Variants in COL18A1 observed in about 807,000 individuals in gnomAD.
COL18A1 encodes the protein collagen type XVIII alpha 1 chain, also known as collagen alpha-1(XVIII) chain.
Under a neutral mutation model 168.0 loss-of-function variants are expected in COL18A1, and 133 were observed. That is an observed-to-expected ratio of 0.79 (90% confidence interval 0.69 to 0.91). COL18A1 has a LOEUF of 0.91. COL18A1 is among the 40% of genes least tolerant of loss of function. The probability of loss-of-function intolerance (pLI) is 0.00; values close to 1 mark genes in which losing one functional copy is unlikely to be tolerated. For synonymous variants in COL18A1, 949 were observed against 809.0 expected, an observed-to-expected ratio of 1.17 and a Z score of -2.94; for missense variants, 2,126 against 1,925.4, an observed-to-expected ratio of 1.10 and a Z score of -1.95.
chr21:45,419,654 CG>C (rs1183923167), intron 2 of COL18A1: 2 of 152,232 alleles, frequency 1.3e-5, no homozygotes, highest in African/African-American at 4.8e-5. Flanking sequence ...CTCAAAGCCA[CG>C]GATGGGCACC....
intron 37 of COL18A1, chr21:45,506,244 A>C: frequency 2.2e-6 from 1 of 465,116 alleles, no homozygotes. Context: ...TACAAAGATA[A>C]ATGTCACCTC....
intron 16 of COL18A1, 27 bp from the exon 17 acceptor site, chr21:45,487,420 C>T (rs553514020): frequency 2.5e-6 from 4 of 1,610,982 alleles, no homozygotes; most frequent in African/African-American, 1.3e-5. Flanking sequence ...GACACAGGCC[C>T]CTACGTGTCT....
intron 32 of COL18A1, among the ~76,000 whole-genome samples, chr21:45,503,742 T>A (rs1000260835): frequency 3.3e-5 from 5 of 151,920 alleles, no homozygotes; most frequent in East Asian, 3.9e-4. Flanking sequence ...CATATGTAAC[T>A]AACCTGCACA....
In COL18A1 at chr21:45,505,129, C is replaced by T. The variant is rs533456344; in HGVS notation, c.2869-5C>T. On this transcript the variant is annotated splice_region_variant and splice_polypyrimidine_tract_variant and intron_variant, in intron 34 of 41. Coordinates refer to ENST00000651438, the MANE Select transcript of COL18A1 (RefSeq NM_001379500.1). ...CCAGGAAGCGTCTCTTGTCGCCGTCCGTAGGGTCCCAAGGGAGAGAGCATC... is the reference window on the plus strand; with the variant it reads ...CCAGGAAGCGTCTCTTGTCGCCGTCTGTAGGGTCCCAAGGGAGAGAGCATC... 30 of 1,608,302 alleles carry T rather than the reference C, an allele frequency of 1.9e-5. No homozygotes were observed. Among genetic ancestry groups the T allele is most frequent in the African/African-American group, 6.7e-5 (5 of 74,876 alleles).
At position 45,493,518 on chromosome 21, in the gene COL18A1, G is replaced by A. The variant is rs569773170; in HGVS notation, c.2295G>A (p.Pro765=). 60 of 1,561,760 alleles carry A rather than the reference G, an allele frequency of 3.8e-5. No individual in the cohort carries two copies. In the South Asian group the frequency reaches 6.3e-4, roughly 16 times the overall value. Residue 765 remains proline (P), a synonymous_variant, in exon 26 of 42, where the codon CCG becomes CCA. Coordinates refer to ENST00000651438, the MANE Select transcript of COL18A1 (RefSeq NM_001379500.1). The stretch of plus-strand genomic sequence containing the variant: ...CATTCCAGGGTGAGAAGGGTGAACC[G>A]GGCAGCATCTTCAGCCCCGACGGCG... ...SPGPKGEKGE[P]GSIFSPDGGA...
intron 12 of COL18A1, 70 bp downstream of exon 12, chr21:45,480,590 G>T: frequency 6.2e-7 from 1 of 1,613,728 alleles, no homozygotes. Flanking sequence ...GGACCCCCAA[G>T]ATTCAGCTGG....
At position 45,405,331 on chromosome 21, in the gene COL18A1, G is replaced by GCT. The variant is rs1569270340; in HGVS notation, c.12-48_12-47insCT. 4 of 1,141,844 alleles carry GCT rather than the reference G, an allele frequency of 3.5e-6. No homozygotes were observed. The African/African-American group carries it at 7.5e-5, about 21-fold the overall frequency. 70.7% of individuals were successfully genotyped at this position (1,141,844 alleles called of 1,614,324 possible). ...TCGCGGGGCTCGGCCGGGTCCTGCG[G>GCT]GGGTCGCGGGGGTCCTGCGGGGTCT... On this transcript the variant is annotated intron_variant, in intron 1 of 41. Coordinates refer to ENST00000651438, the MANE Select transcript of COL18A1 (RefSeq NM_001379500.1).
At chr21:45,405,623 G>T (rs2033073220) in intron 2 of COL18A1, 150 bp downstream of exon 2, 2 of 378,172 alleles carry the variant, frequency 5.3e-6, no homozygotes, top group South Asian at 1.3e-4. Context: ...CGCCGGAGCC[G>T]GACGGAGCGG....
intron 38 of COL18A1, among the ~76,000 whole-genome samples, chr21:45,508,236 A>AGTGGGTGAGTGGATGGTGGACAG (rs1306803423): frequency 1.4e-5 from 2 of 139,244 alleles, no homozygotes; most frequent in Non-Finnish European, 3.1e-5. Flanking sequence ...ATAGTGGGTA[A>AGTGGGTGAGTGGATGGTGGACAG]GTGGGTGAGT....
intron 2 of COL18A1, chr21:45,456,459 A>C (rs1568881413): frequency 1.9e-6 from 3 of 1,544,756 alleles, no homozygotes; most frequent in South Asian, 2.4e-5. Flanking sequence ...CACGTGGCTA[A>C]CTCTGTGGGG....
At chr21:45,412,041 A>G (rs2033312940) in intron 2 of COL18A1, among the ~76,000 whole-genome samples, 1 of 152,018 alleles carries the variant, frequency 6.6e-6, no homozygotes, top group Admixed American at 6.6e-5. Context: ...TTTTTCACGC[A>G]CTAAGGGGCC....
intron 2 of COL18A1, among the ~76,000 whole-genome samples, chr21:45,426,013 C>T (rs960704006): frequency 3.3e-5 from 5 of 152,100 alleles, no homozygotes; most frequent in Non-Finnish European, 7.4e-5. Flanking sequence ...GCACTGCCCC[C>T]GCCCCGCCCC....
In COL18A1 at chr21:45,441,008, G is replaced by T. The variant is rs538926119; in HGVS notation, c.107-27234G>T. ...GCAGTTCTCTCGCTGTGCCGAGGCT[G>T]ATGGAGACCTCACTGCTTGCCCCCG... On this transcript the variant is annotated intron_variant, in intron 2 of 41. Transcript: ENST00000651438. Among the ~76,000 whole-genome samples, 240 of 152,352 alleles carry T rather than the reference G, an allele frequency of 1.6e-3. 1 individual carries two copies. Among genetic ancestry groups the T allele is most frequent in the African/African-American group, 5.6e-3 (234 of 41,594 alleles).
chr21:45,456,523 C>T lies in COL18A1; in HGVS notation c.107-11719C>T, dbSNP rs373848921. The T allele has an allele frequency of 1.6e-3, 2,498 of 1,548,206 alleles. 30 individuals carry two copies. The African/African-American group carries it at 0.03, about 19-fold the overall frequency. ...TCGGGGCTGACCCCGAGGCCCCCGC[C>T]GGTCGCTGCCTGCCCCTGCCACCCT... On this transcript the variant is annotated intron_variant, in intron 2 of 41. Transcript: ENST00000651438.
rs774411916 is a variant in COL18A1, at chr21:45,475,487, C to T, written c.750C>T (p.Asp250=). 1 of 1,604,996 alleles carries T rather than the reference C, an allele frequency of 6.2e-7. No homozygotes were observed. The highest frequency in any genetic ancestry group is 2.3e-4 in the Middle Eastern group (1 of 4,436). Residue 250 remains aspartate, a synonymous_variant, in exon 5 of 42, where the codon GAC becomes GAT. Transcript: ENST00000651438. The part of the protein sequence containing the change: ...EGDDSDGASG[D]SGSGLGDARE... Reference sequence around the variant, plus strand: ...TTCAAACTCCTCAGGCATCCGGAGACTCTGGCAGCGGGCTCGGGGACGCCC... The same window carrying T: ...TTCAAACTCCTCAGGCATCCGGAGATTCTGGCAGCGGGCTCGGGGACGCCC...
chr21:45,460,394 G>A (rs2035001840), intron 2 of COL18A1, among the ~76,000 whole-genome samples: 1 of 152,218 alleles, frequency 6.6e-6, no homozygotes, highest in South Asian at 2.1e-4. Flanking sequence ...AAATGCACGA[G>A]TCCCGTGATC....
chr21:45,502,283 C>T (rs550556016), intron 32 of COL18A1, among the ~76,000 whole-genome samples: 4 of 152,346 alleles, frequency 2.6e-5, no homozygotes, highest in South Asian at 2.1e-4. Context: ...GTGGTCCCCA[C>T]CCCGGTCACG....
At chr21:45,418,735 T>G (rs2033525062) in intron 2 of COL18A1, among the ~76,000 whole-genome samples, 1 of 150,360 alleles carries the variant, frequency 6.7e-6, no homozygotes. Context: ...TCCTGGGGTC[T>G]CAGGGCAGCG....
chr21:45,491,378 T>TGCC, intron 22 of COL18A1, 64 bp downstream of exon 22: 1 of 792,920 alleles, frequency 1.3e-6, no homozygotes, highest in Non-Finnish European at 2.0e-6. Flanking sequence ...CAGAGATCCC[T>TGCC]CCCCGAGCCC....
Sources: gnomAD v4.1 joint callset for allele counts (sites outside exome capture counted in the v4.1 genomes callset) on GRCh38, gnomAD v4.1.1 for gene constraint, MANE v1.5 for transcripts, NCBI Gene and HGNC (gene_info 2026-07-23, HGNC 2026-07-21) for gene names.